Variants in FHIP1A observed in about 807,000 individuals in gnomAD.
FHIP1A encodes FHF complex subunit HOOK-interacting protein 1A.
In FHIP1A, 61 loss-of-function variants were observed where a neutral mutation model predicts 88.6. The observed-to-expected ratio is 0.69, with a 90% CI of 0.56 to 0.85. FHIP1A has a LOEUF of 0.85. Among genes scored for constraint, FHIP1A ranks in the 40% least tolerant of loss-of-function variants. FHIP1A has a pLI of 0.00. For missense variants in FHIP1A, 1,154 were observed against 1,273.5 expected, an observed-to-expected ratio of 0.91 and a Z score of 1.43; for synonymous variants, 478 against 496.0, an observed-to-expected ratio of 0.96 and a Z score of 0.48.
intron 7 of FHIP1A, among the ~76,000 whole-genome samples, chr4:151,622,779 T>C (rs1735795871): frequency 6.6e-6 from 1 of 152,098 alleles, no homozygotes; most frequent in African/African-American, 2.4e-5. Context: ...CAGATCTTTG[T>C]TTCTGAGCCA....
intron 3 of FHIP1A, among the ~76,000 whole-genome samples, chr4:151,484,924 G>T (rs1253396795): frequency 6.6e-6 from 1 of 152,178 alleles, no homozygotes; most frequent in African/African-American, 2.4e-5. Flanking sequence ...GAATTGGGGT[G>T]GTGAGTGAGG....
intron 7 of FHIP1A, among the ~76,000 whole-genome samples, chr4:151,597,238 A>G (rs979341162): frequency 6.6e-6 from 1 of 151,960 alleles, no homozygotes; most frequent in African/African-American, 2.4e-5. Flanking sequence ...GTTGATGTTG[A>G]TGCCATTCCT....
At chr4:151,443,861 A>G (rs549897629) in intron 1 of FHIP1A, among the ~76,000 whole-genome samples, 1 of 152,026 alleles carries the variant, frequency 6.6e-6, no homozygotes, top group Admixed American at 6.6e-5. Flanking sequence ...CAGTTGGTTC[A>G]GTTTCTTTAG....
chr4:151,616,685 C>G (rs1735544114), intron 7 of FHIP1A, among the ~76,000 whole-genome samples: 1 of 152,082 alleles, frequency 6.6e-6, no homozygotes, highest in Non-Finnish European at 1.5e-5. Context: ...CTCCTGACCT[C>G]ATGATCCACC....
At chr4:151,617,689 C>A (rs1339369979) in intron 7 of FHIP1A, among the ~76,000 whole-genome samples, 8 of 152,068 alleles carry the variant, frequency 5.3e-5, no homozygotes, top group Non-Finnish European at 8.8e-5. Flanking sequence ...AGTTCAAGAC[C>A]AGCCTGGCTG....
Position 151,449,239 on chromosome 4 carries a change from A to T in FHIP1A, c.-355-5462A>T, listed in dbSNP as rs188811646. 1.6e-4 allele frequency among the ~76,000 whole-genome samples: 24 copies of T among 152,180 alleles called. No individual in the cohort carries two copies. In the East Asian group the frequency reaches 4.6e-3, roughly 29 times the overall value. On this transcript the variant is annotated intron_variant, in intron 1 of 13. Coordinates refer to ENST00000435205, the MANE Select transcript of FHIP1A (RefSeq NM_001109977.3). ...CCTGGTATAGTATTGAGCATATTTT[A>T]TATGTTATTTTATTTTCACTACAAT...
chr4:151,567,935 G>A (rs17027716), intron 4 of FHIP1A, among the ~76,000 whole-genome samples: 20,866 of 152,012 alleles, frequency 0.14, 1,678 homozygotes, highest in African/African-American at 0.22. Flanking sequence ...ATTCGTTTGC[G>A]CATAATACCT....
intron 5 of FHIP1A, among the ~76,000 whole-genome samples, chr4:151,584,575 A>G (rs889731627): frequency 3.3e-5 from 5 of 151,954 alleles, no homozygotes; most frequent in South Asian, 2.1e-4. Flanking sequence ...TTGAGGTCCC[A>G]TCTACATGTT....
rs138939462 is a variant in FHIP1A at position 151,417,014 on chromosome 4, G to C, written c.-356+7549G>C. ...TGCTCAGGCTGGTCTTAAACTCCCC[G>C]GCCCAAGAGATTCCCCTGTCTTGGC... On this transcript the variant is annotated intron_variant, in intron 1 of 13. Coordinates refer to ENST00000435205, the MANE Select transcript of FHIP1A (RefSeq NM_001109977.3). Among the ~76,000 whole-genome samples the C allele has an allele frequency of 2.6e-5, 4 of 152,124 alleles. No individual in the cohort carries two copies. In the East Asian group the frequency reaches 7.7e-4, roughly 29 times the overall value.
intron 1 of FHIP1A, among the ~76,000 whole-genome samples, chr4:151,446,484 C>CCTTTCCTTTTCCTTT (rs1728607472): frequency 7.3e-6 from 1 of 136,558 alleles, no homozygotes; most frequent in Non-Finnish European, 1.6e-5. Context: ...TTTCCTTTTC[C>CCTTTCCTTTTCCTTT]TTTTTTTTTT....
intron 2 of FHIP1A, among the ~76,000 whole-genome samples, chr4:151,462,337 C>T (rs1729169935): frequency 1.3e-5 from 2 of 152,066 alleles, no homozygotes; most frequent in South Asian, 2.1e-4. Flanking sequence ...CCGTATCTTT[C>T]TTGGTTTTCT....
intron 3 of FHIP1A, among the ~76,000 whole-genome samples, chr4:151,490,742 A>C (rs202082488): frequency 2.9e-5 from 1 of 34,278 alleles, no homozygotes; most frequent in Non-Finnish European, 7.3e-5. Context: ...TAAAGAAATT[A>C]AAAAAAAAAA....
intron 3 of FHIP1A, among the ~76,000 whole-genome samples, chr4:151,518,872 A>C (rs1171358709): frequency 6.6e-6 from 1 of 151,950 alleles, no homozygotes; most frequent in Non-Finnish European, 1.5e-5. Context: ...TCAATCTGCA[A>C]AACATCGATA....
At chr4:151,445,189 C>G (rs146236725) in intron 1 of FHIP1A, among the ~76,000 whole-genome samples, 1 of 152,040 alleles carries the variant, frequency 6.6e-6, no homozygotes, top group Admixed American at 6.6e-5. Flanking sequence ...TAATTTACTA[C>G]AAAGTATATA....
chr4:151,497,231 G>A (rs919225100), intron 3 of FHIP1A, among the ~76,000 whole-genome samples: 2 of 152,094 alleles, frequency 1.3e-5, no homozygotes, highest in African/African-American at 4.8e-5. Context: ...TTGATAGAAA[G>A]TTACTTAAAC....
intron 7 of FHIP1A, among the ~76,000 whole-genome samples, chr4:151,616,454 T>TTC (rs1735524310): frequency 6.9e-6 from 1 of 144,182 alleles, no homozygotes; most frequent in South Asian, 2.3e-4. Flanking sequence ...CTTTTTTTTT[T>TTC]TTTTTTTTTT....
chr4:151,412,524 G>A (rs923124618), intron 1 of FHIP1A, among the ~76,000 whole-genome samples: 6 of 151,872 alleles, frequency 4.0e-5, no homozygotes, highest in African/African-American at 2.4e-5. Flanking sequence ...TACATTTTGT[G>A]AAGTGGTTGG....
chr4:151,476,161 ATT>A (rs564671344), intron 2 of FHIP1A, among the ~76,000 whole-genome samples: 9 of 111,504 alleles, frequency 8.1e-5, no homozygotes, highest in African/African-American at 1.4e-4. Flanking sequence ...TGCTCGGCCG[ATT>A]TTTTTTTTTT....
intron 3 of FHIP1A, among the ~76,000 whole-genome samples, chr4:151,527,991 C>T (rs1447623433): frequency 2.0e-5 from 3 of 152,148 alleles, no homozygotes; most frequent in Non-Finnish European, 4.4e-5. Flanking sequence ...CGTGTAGCTC[C>T]AAACAGAAGC....
Sources: allele counts gnomAD v4.1 joint callset (sites outside exome capture counted in the v4.1 genomes callset), GRCh38; gene constraint gnomAD v4.1.1; transcripts MANE v1.5; gene names NCBI Gene and HGNC (gene_info 2026-07-23, HGNC 2026-07-21).